DPP10: variants seen among roughly 807,000 people sequenced by gnomAD.
DPP10 encodes the protein dipeptidyl peptidase like 10.
DPP10 carries 33 observed loss-of-function variants against 120.9 expected under a neutral mutation model. The observed-to-expected ratio is 0.27, with a 90% CI of 0.21 to 0.37. DPP10 has a LOEUF of 0.37. DPP10 is among the 10% of genes least tolerant of loss of function. The pLI, the probability that DPP10 is intolerant of heterozygous loss-of-function variation, is 1.00. For synonymous variants in DPP10, 337 were observed against 326.1 expected (o/e 1.03, Z -0.36); for missense variants, 816 against 942.8 (o/e 0.87, Z 1.76).
At chr2:115,254,280 A>G (rs1185005531) in intron 1 of DPP10, among the ~76,000 whole-genome samples, 1 of 152,144 alleles carries the variant, frequency 6.6e-6, no homozygotes, top group Non-Finnish European at 1.5e-5. Flanking sequence ...AAGAGGGGAA[A>G]ACCCCTTATA....
intron 1 of DPP10, among the ~76,000 whole-genome samples, chr2:114,710,990 T>C (rs907805531): frequency 1.3e-5 from 2 of 152,138 alleles, no homozygotes; most frequent in East Asian, 3.9e-4. Flanking sequence ...CATCCTCCTG[T>C]GTGTATGGAG....
At chr2:115,735,292 C>T (rs1456912412) in intron 8 of DPP10, among the ~76,000 whole-genome samples, 1 of 152,158 alleles carries the variant, frequency 6.6e-6, no homozygotes, top group African/African-American at 2.4e-5. Flanking sequence ...TATCTGAAAT[C>T]TGTAAACATA....
intron 11 of DPP10, among the ~76,000 whole-genome samples, chr2:115,755,017 A>C (rs1679219956): frequency 6.6e-6 from 1 of 152,100 alleles, no homozygotes; most frequent in South Asian, 2.1e-4. Context: ...GAGTTTTGGC[A>C]AATGCATATA....
Position 115,553,437 on chromosome 2 carries a change from A to T in DPP10, c.441+27465A>T, listed in dbSNP as rs960352455. ...ACATATATTAATAAGCTGTTTTCAA[A>T]TCTGTCATTTCATACATTATAGTTT... On this transcript the variant is annotated intron_variant, in intron 5 of 25. Transcript: ENST00000410059. 2.6e-5 allele frequency among the ~76,000 whole-genome samples: 4 copies of T among 152,186 alleles called. No homozygotes were observed. In the East Asian group the frequency reaches 7.7e-4, roughly 29 times the overall value.
chr2:114,569,032 G>C (rs1288428271), intron 1 of DPP10, among the ~76,000 whole-genome samples: 1 of 152,060 alleles, frequency 6.6e-6, no homozygotes, highest in Non-Finnish European at 1.5e-5. Context: ...TGACTAAATT[G>C]CTTTTTTATA....
chr2:114,826,458 G>C (rs1031825917), intron 1 of DPP10, among the ~76,000 whole-genome samples: 1 of 152,182 alleles, frequency 6.6e-6, no homozygotes, highest in African/African-American at 2.4e-5. Context: ...CAAATTAAAA[G>C]CATAAAAAGT....
At chr2:115,828,427 G>T (rs930636750) in intron 21 of DPP10, among the ~76,000 whole-genome samples, 1 of 151,930 alleles carries the variant, frequency 6.6e-6, no homozygotes. Flanking sequence ...AACAAATTTG[G>T]AAATTTTTTA....
At chr2:115,113,290 G>A (rs1366449653) in intron 1 of DPP10, among the ~76,000 whole-genome samples, 2 of 151,766 alleles carry the variant, frequency 1.3e-5, no homozygotes, top group African/African-American at 2.4e-5. Context: ...TATACATAAT[G>A]TGGGTATATT....
intron 1 of DPP10, among the ~76,000 whole-genome samples, chr2:114,946,513 T>G (rs1371642345): frequency 6.6e-6 from 1 of 152,140 alleles, no homozygotes; most frequent in Non-Finnish European, 1.5e-5. Flanking sequence ...TAAAATATTT[T>G]AAAAGTCTCT....
At chr2:115,336,492 C>G (rs1384209800) in intron 2 of DPP10, among the ~76,000 whole-genome samples, 2 of 151,610 alleles carry the variant, frequency 1.3e-5, no homozygotes, top group Non-Finnish European at 2.9e-5. Flanking sequence ...ATAGGGTTAA[C>G]AAATATTTAC....
At chr2:115,402,823 C>A (rs2068169877) in intron 3 of DPP10, among the ~76,000 whole-genome samples, 1 of 125,604 alleles carries the variant, frequency 8.0e-6, no homozygotes, top group Non-Finnish European at 1.6e-5. Context: ...ACACCAAAGG[C>A]AGACAAGGAC....
At chr2:115,722,171 T>C (rs1396434837) in intron 7 of DPP10, among the ~76,000 whole-genome samples, 1 of 152,028 alleles carries the variant, frequency 6.6e-6, no homozygotes, top group Non-Finnish European at 1.5e-5. Flanking sequence ...GCTCTAGAGA[T>C]CAGCTGGACA....
intron 3 of DPP10, among the ~76,000 whole-genome samples, chr2:115,494,099 C>G (rs1391512573): frequency 1.3e-5 from 2 of 152,048 alleles, no homozygotes; most frequent in African/African-American, 4.8e-5. Flanking sequence ...CAGGTGTGCA[C>G]CACCACGGCT....
intron 1 of DPP10, among the ~76,000 whole-genome samples, chr2:115,036,870 TA>T (rs1704260971): frequency 6.6e-6 from 1 of 152,212 alleles, no homozygotes; most frequent in South Asian, 2.1e-4. Context: ...AAAAGAAATT[TA>T]TCTGTGAGTT....
intron 3 of DPP10, among the ~76,000 whole-genome samples, chr2:115,459,194 T>C (rs1019104562): frequency 3.3e-5 from 5 of 152,028 alleles, no homozygotes; most frequent in African/African-American, 1.2e-4. Context: ...TCATGCTCTG[T>C]TGCCCAGGCT....
At chr2:115,041,069 A>G (rs1704602282) in intron 1 of DPP10, among the ~76,000 whole-genome samples, 1 of 150,466 alleles carries the variant, frequency 6.6e-6, no homozygotes, top group African/African-American at 2.4e-5. Context: ...CAGTGAGCCG[A>G]GATCAGGCCA....
chr2:115,718,031 G>A (rs529015171), intron 7 of DPP10, among the ~76,000 whole-genome samples: 81 of 152,094 alleles, frequency 5.3e-4, no homozygotes, highest in Non-Finnish European at 9.0e-4. Flanking sequence ...CTAGGTAGCC[G>A]GTATAGAGAA....
chr2:115,496,185 C>CA (rs139849573), intron 3 of DPP10, among the ~76,000 whole-genome samples: 27 of 150,972 alleles, frequency 1.8e-4, no homozygotes, highest in South Asian at 1.5e-3. Context: ...TTATAAAGAA[C>CA]AAAAAAAACC....
At chr2:114,746,010 GC>G (rs1363556985) in intron 1 of DPP10, among the ~76,000 whole-genome samples, 2 of 152,192 alleles carry the variant, frequency 1.3e-5, no homozygotes, top group Non-Finnish European at 2.9e-5. Flanking sequence ...AGAGAAGGGA[GC>G]CCCTAACAAT....
Sources: gnomAD v4.1 joint callset for allele counts (sites outside exome capture counted in the v4.1 genomes callset) on GRCh38, gnomAD v4.1.1 for gene constraint, MANE v1.5 for transcripts, NCBI Gene and HGNC (gene_info 2026-07-23, HGNC 2026-07-21) for gene names.